The following SPATC1 variants were observed in gnomAD, a reference collection of about 807,000 sequenced individuals.
SPATC1 encodes the protein speriolin.
SPATC1 carries 35 observed loss-of-function variants against 36.5 expected under a neutral mutation model. The observed-to-expected ratio is 0.96, with a 90% CI of 0.73 to 1.27. The LOEUF (loss-of-function observed/expected upper bound fraction) is 1.27, where lower values mean the gene tolerates loss of function less well. Ranked by LOEUF, SPATC1 falls within the 50% of genes most tolerant of loss-of-function variation. SPATC1 has a pLI of 0.00. For synonymous variants in SPATC1, 361 were observed against 353.6 expected (o/e 1.02, Z -0.24); for missense variants, 779 against 796.0 (o/e 0.98, Z 0.26).
rs1295870850 is a variant in SPATC1, at chr8:144,024,488, C to G, written c.211+11762C>G. Among the ~76,000 whole-genome samples the G allele has an allele frequency of 1.9e-3, 259 of 136,114 alleles. 2 individuals are homozygous for G. Among genetic ancestry groups the G allele is most frequent in the African/African-American group, 6.8e-3 (247 of 36,074 alleles). The allele number at this position is 136,114 out of a possible 152,430, so 89.3% of individuals were successfully genotyped here. On this transcript the variant is annotated intron_variant, in intron 1 of 4. Transcript: ENST00000377470. Reference sequence around the variant, plus strand: ...TCAGGACCCTCTCCCCTTGAAACTCCCCTCAGGACCCCCCTTGGGATCCTC... The same window carrying G: ...TCAGGACCCTCTCCCCTTGAAACTCGCCTCAGGACCCCCCTTGGGATCCTC...
upstream of SPATC1, among the ~76,000 whole-genome samples, chr8:144,011,768 G>A (rs142146467): frequency 6.0e-3 from 918 of 152,244 alleles, 7 homozygotes; most frequent in Non-Finnish European, 0.011. The surrounding 1 kb of genome is among the most constrained non-coding windows in gnomAD (Gnocchi z 4.5). Context: ...GCAACGACGG[G>A]AGATTTGGAA....
Position 144,046,896 on chromosome 8 carries a change from G to C in SPATC1, c.1716G>C (p.Leu572=), listed in dbSNP as rs782512431. Residue 572 remains leucine, a synonymous_variant, in exon 5 of 5, where the codon CTG becomes CTC. Transcript: ENST00000377470. The surrounding 1 kb of genome is among the most constrained non-coding windows in gnomAD (Gnocchi z 6.6). ...CCGGCATGCTCGCCGACGCGCTGCT[G>C]CTGCTCTCCTGCCTCAGCCAGCTGG... ...VHPGMLADAL[L]LLSCLSQLAH... is the part of the protein sequence containing the mutation. 1.3e-6 allele frequency: 2 copies of C among 1,599,378 alleles called. No homozygotes were observed. The highest frequency in any genetic ancestry group is 1.7e-6 in the Non-Finnish European group (2 of 1,179,732).
intron 4 of SPATC1, among the ~76,000 whole-genome samples, chr8:144,044,730 T>C (rs1384441642): frequency 1.3e-5 from 2 of 151,824 alleles, no homozygotes; most frequent in Non-Finnish European, 2.9e-5. Context: ...GCAGATCACC[T>C]GAGGTCAGGA....
chr8:144,042,152 C>T (rs1554756188), intron 4 of SPATC1: 2 of 373,850 alleles, frequency 5.3e-6, no homozygotes, highest in African/African-American at 4.4e-5. Flanking sequence ...TCTGCTGCCC[C>T]AGCCTCTTTT....
intron 1 of SPATC1, among the ~76,000 whole-genome samples, chr8:144,023,614 T>C (rs1834599529): frequency 1.2e-5 from 1 of 80,864 alleles, no homozygotes; most frequent in African/African-American, 5.4e-5. Flanking sequence ...CTGAAAACGC[T>C]CTTCCCTCAG....
intron 1 of SPATC1, among the ~76,000 whole-genome samples, chr8:144,037,259 C>A (rs1357859896): frequency 2.7e-5 from 4 of 150,242 alleles, no homozygotes; most frequent in Non-Finnish European, 5.9e-5. Context: ...TCTGCCCGGC[C>A]GCCCCTACTG....
At chr8:144,043,194 C>CATG (rs1233510830) in intron 4 of SPATC1, among the ~76,000 whole-genome samples, 1 of 151,620 alleles carries the variant, frequency 6.6e-6, no homozygotes, top group Non-Finnish European at 1.5e-5. Context: ...GGGGTTTTGC[C>CATG]ATGTTGGCCA....
upstream of SPATC1, among the ~76,000 whole-genome samples, chr8:144,011,412 G>T (rs1489434391): frequency 6.6e-6 from 1 of 152,116 alleles, no homozygotes; most frequent in African/African-American, 2.4e-5. The surrounding 1 kb of genome is among the most constrained non-coding windows in gnomAD (Gnocchi z 4.5). Context: ...TCAACTCACA[G>T]CGATCCCAGC....
rs185074215 is a variant in SPATC1 at position 144,013,949 on chromosome 8, C to T, written c.211+1223C>T. On this transcript the variant is annotated intron_variant, in intron 1 of 4. Transcript: ENST00000377470. Reference sequence around the variant, plus strand: ...CCAGCCTGGTCAACAGAGCGAGACTCCATCTCAAAAACTAATAATAGGCTG... The same window carrying T: ...CCAGCCTGGTCAACAGAGCGAGACTTCATCTCAAAAACTAATAATAGGCTG... Among the ~76,000 whole-genome samples the T allele has an allele frequency of 3.9e-5, 6 of 151,922 alleles. No homozygotes were observed. The East Asian group carries it at 9.8e-4, about 25-fold the overall frequency.
chr8:144,044,394 C>T (rs1286883825), intron 4 of SPATC1, among the ~76,000 whole-genome samples: 13 of 151,162 alleles, frequency 8.6e-5, no homozygotes, highest in Admixed American at 2.0e-4. Context: ...CTCCACGCCA[C>T]GGGTTCACGC....
intron 1 of SPATC1, among the ~76,000 whole-genome samples, chr8:144,024,235 C>T (rs1834624820): frequency 6.6e-6 from 1 of 150,468 alleles, no homozygotes; most frequent in African/African-American, 2.4e-5. Context: ...GATGCTCTCC[C>T]CTCCAGGCCC....
At chr8:144,018,202 C>G (rs1443635419) in intron 1 of SPATC1, among the ~76,000 whole-genome samples, 2 of 152,170 alleles carry the variant, frequency 1.3e-5, no homozygotes, top group Admixed American at 6.5e-5. Flanking sequence ...GCCAAGAGGT[C>G]AAGCAAGAAA....
At chr8:144,037,418 C>T (rs1346464614) in intron 1 of SPATC1, among the ~76,000 whole-genome samples, 2 of 151,892 alleles carry the variant, frequency 1.3e-5, no homozygotes, top group African/African-American at 2.4e-5. Context: ...GGATGGTTGC[C>T]GTGTCTGTGT....
intron 4 of SPATC1, among the ~76,000 whole-genome samples, chr8:144,042,603 T>C (rs1587533501): frequency 1.3e-5 from 2 of 151,868 alleles, no homozygotes; most frequent in Admixed American, 1.3e-4. Flanking sequence ...ATGACAGGCG[T>C]GAGCCACCGC....
chr8:144,012,725 T>C lies in SPATC1; in HGVS notation c.210T>C (p.Asn70=). Residue 70 remains asparagine (N), a splice_region_variant and synonymous_variant, in exon 1 of 5, where the codon AAT becomes AAC. Transcript: ENST00000377470. ...ATAGLSSRQN[N]GVFLPPSPAV... ...CAGGCCTTTCCTCACGCCAGAACAA[T>C]GGTAAGAGGCCTCGCTCCCAAGAGA... is the stretch of plus-strand genomic sequence containing the variant. 1 of 1,551,386 alleles carries C rather than the reference T, an allele frequency of 6.4e-7. No homozygotes were observed. The highest frequency in any genetic ancestry group is 2.4e-5 in the East Asian group (1 of 40,890).
At chr8:144,035,139 T>C (rs1834872438) in intron 1 of SPATC1, among the ~76,000 whole-genome samples, 1 of 152,240 alleles carries the variant, frequency 6.6e-6, no homozygotes, top group Non-Finnish European at 1.5e-5. Context: ...GATGGGTCTT[T>C]CTGAGGCCTG....
chr8:144,047,080 G>A lies in SPATC1; in HGVS notation c.*124G>A. 1 of 1,246,800 alleles carries A rather than the reference G, an allele frequency of 8.0e-7. No individual in the cohort carries two copies. Among genetic ancestry groups the A allele is most frequent in the East Asian group, 2.5e-5 (1 of 39,594 alleles). 77.2% of individuals were successfully genotyped at this position (1,246,800 alleles called of 1,614,324 possible). On this transcript the variant is annotated 3_prime_UTR_variant, in exon 5 of 5. Coordinates refer to ENST00000377470, the MANE Select transcript of SPATC1 (RefSeq NM_198572.3). The surrounding 1 kb of genome is among the most constrained non-coding windows in gnomAD (Gnocchi z 4.1). ...TCCTGGGTGGTGCTGCCTCCTCTGG[G>A]GTGGCTCACCGGGCCCCGGCACCGT...
intron 1 of SPATC1, among the ~76,000 whole-genome samples, chr8:144,034,406 ATT>A (rs36150800): frequency 1.4e-5 from 2 of 144,844 alleles, no homozygotes; most frequent in Non-Finnish European, 1.5e-5. Flanking sequence ...GCAGAAATGC[ATT>A]TTTTTTTTTT....
At position 144,046,389 on chromosome 8, in the gene SPATC1, C is replaced by T. The variant is rs1304978687; in HGVS notation, c.1447-238C>T. Among the ~76,000 whole-genome samples, 1 of 152,176 alleles carries T rather than the reference C, an allele frequency of 6.6e-6. No homozygotes were observed. The highest frequency in any genetic ancestry group is 1.5e-5 in the Non-Finnish European group (1 of 68,018). On this transcript the variant is annotated intron_variant, in intron 4 of 4. Coordinates refer to ENST00000377470, the MANE Select transcript of SPATC1 (RefSeq NM_198572.3). The surrounding 1 kb of genome is among the most constrained non-coding windows in gnomAD (Gnocchi z 6.6). ...CCTCTTCCACCCTGTGGCTGAGGCC[C>T]TACTGGGGAGCTTTGAGAGCCACCT...
Sources: allele counts gnomAD v4.1 joint callset (sites outside exome capture counted in the v4.1 genomes callset), GRCh38; gene constraint gnomAD v4.1.1; non-coding constraint Gnocchi (gnomAD v3.1); transcripts MANE v1.5; gene names NCBI Gene and HGNC (gene_info 2026-07-23, HGNC 2026-07-21).